PPCS: variants seen among roughly 807,000 people sequenced by gnomAD.
PPCS encodes phosphopantothenoylcysteine synthetase.
PPCS carries 17 observed loss-of-function variants against 24.6 expected under a neutral mutation model. The ratio of observed to expected loss-of-function variants is 0.69; its 90% CI spans 0.47 to 1.04. The LOEUF (loss-of-function observed/expected upper bound fraction) is 1.04, where lower values mean the gene tolerates loss of function less well. Among genes scored for constraint, PPCS ranks in the 50% least tolerant of loss-of-function variants. PPCS has a pLI of 0.00. For missense variants in PPCS, 360 were observed against 402.8 expected (o/e 0.89, Z 0.91); for synonymous variants, 190 against 168.3 (o/e 1.13, Z -1.00).
chr1:42,462,263 GT>G (rs1643432985), downstream of PPCS, among the ~76,000 whole-genome samples: 1 of 152,116 alleles, frequency 6.6e-6, no homozygotes, highest in Non-Finnish European at 1.5e-5. Context: ...AAATGGAAGT[GT>G]ATAAAGAAAA....
At chr1:42,465,689 A>G (rs1313255516), downstream of PPCS, among the ~76,000 whole-genome samples, 1 of 152,092 alleles carries the variant, frequency 6.6e-6, no homozygotes, top group African/African-American at 2.4e-5. Context: ...AAACCTGGGG[A>G]GTGGGGTGGG....
chr1:42,465,317 A>T (rs1020650173), downstream of PPCS, among the ~76,000 whole-genome samples: 18 of 152,108 alleles, frequency 1.2e-4, no homozygotes, highest in African/African-American at 4.3e-4. Flanking sequence ...TCTCAAAAAA[A>T]ATAAATTCCT....
At chr1:42,472,052 G>A (rs1056125622) in intron 2 of PPCS, among the ~76,000 whole-genome samples, 16 of 152,064 alleles carry the variant, frequency 1.1e-4, no homozygotes, top group Non-Finnish European at 2.2e-4. Flanking sequence ...TCAGGAGTTC[G>A]AGACGAGCCT....
upstream of PPCS, chr1:42,456,489 G>T: frequency 7.2e-7 from 1 of 1,389,530 alleles, no homozygotes; most frequent in Non-Finnish European, 9.4e-7. Flanking sequence ...ACGGCGCGGC[G>T]CGTACACCAG....
chr1:42,469,716 A>T (rs1343367138), intron 2 of PPCS, among the ~76,000 whole-genome samples: 1 of 152,036 alleles, frequency 6.6e-6, no homozygotes, highest in African/African-American at 2.4e-5. Flanking sequence ...AGAGGACAAG[A>T]TTGGTAAAGA....
chr1:42,468,984 A>G lies in PPCS; in HGVS notation n.378-4138A>G, dbSNP rs146880440. On this transcript the variant is annotated intron_variant and non_coding_transcript_variant, in intron 2 of 2. Coordinates refer to the PPCS transcript ENST00000471420. ...GAGAAGGAAAGGCTAGAGACATAGG[A>G]GTCAAAACAGGAGAAAGTGACATCA... Among the ~76,000 whole-genome samples the G allele has an allele frequency of 3.8e-3, 579 of 152,214 alleles. 7 individuals carry two copies. Among genetic ancestry groups the G allele is most frequent in the African/African-American group, 0.013 (537 of 41,536 alleles).
intron 2 of PPCS, among the ~76,000 whole-genome samples, chr1:42,466,763 G>A (rs982918236): frequency 2.0e-5 from 3 of 151,968 alleles, no homozygotes; most frequent in African/African-American, 7.3e-5. Context: ...TGTTGGCCAG[G>A]CCAGTCTTGA....
intron 2 of PPCS, 60 bp from the exon 3 acceptor site, chr1:42,459,543 G>A (rs376019027): frequency 5.1e-6 from 7 of 1,369,108 alleles, no homozygotes; most frequent in Non-Finnish European, 1.0e-6. Flanking sequence ...TTTCCCATGA[G>A]ATTGACCTGG....
At position 42,456,841 on chromosome 1, in the gene PPCS, T is replaced by C; in HGVS notation, c.276T>C (p.Tyr92=). 1.9e-6 allele frequency: 3 copies of C among 1,613,504 alleles called. No homozygotes were observed. Among genetic ancestry groups the C allele is most frequent in the Non-Finnish European group, 2.5e-6 (3 of 1,180,034 alleles). ...ATCGCGCTCGCTCTGCCTTCCCCTATGCCCACCGCTTCCCACCCCAGACTT... is the reference window on the plus strand; with the variant it reads ...ATCGCGCTCGCTCTGCCTTCCCCTACGCCCACCGCTTCCCACCCCAGACTT... ...FLYRARSAFP[Y]AHRFPPQTWL... The change falls in exon 1 of 3, where the codon TAT becomes TAC. Residue 92 remains tyrosine (Y), a synonymous_variant. Transcript: ENST00000372561.
chr1:42,464,289 T>C (rs560977552), downstream of PPCS: 2 of 152,244 alleles, frequency 1.3e-5, no homozygotes, highest in African/African-American at 2.4e-5. Context: ...AATTGCAGTA[T>C]TGGACCCATT....
chr1:42,462,488 G>A (rs964252670), downstream of PPCS, among the ~76,000 whole-genome samples: 1 of 152,110 alleles, frequency 6.6e-6, no homozygotes, highest in Non-Finnish European at 1.5e-5. Context: ...AGTAAAATAC[G>A]TCCGGATAAT....
chr1:42,457,593 T>TGGGGCGAGTGAATCCTGGGG (rs1643259745), intron 2 of PPCS: 5 of 524,614 alleles, frequency 9.5e-6, no homozygotes, highest in Admixed American at 3.3e-5. Flanking sequence ...AGTCAGATCA[T>TGGGGCGAGTGAATCCTGGGG]GGGGCGAGTG....
chr1:42,465,501 A>G (rs1273957473), downstream of PPCS, among the ~76,000 whole-genome samples: 1 of 152,026 alleles, frequency 6.6e-6, no homozygotes, highest in East Asian at 1.9e-4. Flanking sequence ...AGTAGCTGGG[A>G]TTATAGGCAT....
At chr1:42,462,682 A>G (rs190354375), downstream of PPCS, among the ~76,000 whole-genome samples, 12 of 152,352 alleles carry the variant, frequency 7.9e-5, no homozygotes, top group African/African-American at 2.9e-4. Flanking sequence ...TGAGTATGTT[A>G]AATTTTGTGT....
chr1:42,472,667 A>G (rs951980058), intron 2 of PPCS, among the ~76,000 whole-genome samples: 8 of 152,158 alleles, frequency 5.3e-5, no homozygotes, highest in Non-Finnish European at 1.0e-4. Flanking sequence ...TCCATTGTAC[A>G]TAATTTTCAT....
downstream of PPCS, among the ~76,000 whole-genome samples, chr1:42,465,852 C>T (rs1643562476): frequency 6.6e-6 from 1 of 152,208 alleles, no homozygotes; most frequent in Non-Finnish European, 1.5e-5. Context: ...CTCAGAATGT[C>T]AGTAGTGCCA....
chr1:42,458,963 T>C (rs1643321916), intron 2 of PPCS, among the ~76,000 whole-genome samples: 1 of 152,188 alleles, frequency 6.6e-6, no homozygotes, highest in Non-Finnish European at 1.5e-5. Flanking sequence ...CTGCCAAATA[T>C]TTGTATGAAC....
Position 42,456,775 on chromosome 1 carries a change from C to T in PPCS, c.210C>T (p.Ala70=). ...FSSGRRGATS[A]EAFLAAGYGV... is the part of the protein sequence containing the mutation. The stretch of plus-strand genomic sequence containing the variant: ...GCGGGCGGCGCGGTGCAACCTCGGC[C>T]GAGGCCTTCCTAGCCGCCGGCTACG... The change falls in exon 1 of 3, where the codon GCC becomes GCT. Residue 70 remains alanine, a synonymous_variant. Transcript: ENST00000372561. The T allele has an allele frequency of 6.2e-7, 1 of 1,612,696 alleles. No homozygotes were observed. The highest frequency in any genetic ancestry group is 8.5e-7 in the Non-Finnish European group (1 of 1,179,920).
intron 2 of PPCS, among the ~76,000 whole-genome samples, chr1:42,468,053 A>G (rs940016331): frequency 2.0e-5 from 3 of 152,168 alleles, no homozygotes; most frequent in African/African-American, 4.8e-5. Context: ...GTAGTTCTGT[A>G]TCCAATTCCT....
Sources: allele counts gnomAD v4.1 joint callset (sites outside exome capture counted in the v4.1 genomes callset), GRCh38; gene constraint gnomAD v4.1.1; transcripts MANE v1.5; gene names NCBI Gene and HGNC (gene_info 2026-07-23, HGNC 2026-07-21).